Variants in GPR135 observed in about 807,000 individuals in gnomAD.
GPR135 encodes G-protein coupled receptor 135.
GPR135 carries 17 observed loss-of-function variants against 15.0 expected under a neutral mutation model. The ratio of observed to expected loss-of-function variants is 1.13; its 90% CI spans 0.78 to 1.70. The LOEUF (loss-of-function observed/expected upper bound fraction) is 1.70, where lower values mean the gene tolerates loss of function less well. GPR135 is among the 40% of genes most tolerant of loss of function. The probability of loss-of-function intolerance (pLI) is 0.00; values close to 1 mark genes in which losing one functional copy is unlikely to be tolerated. For synonymous variants in GPR135, 368 were observed against 349.4 expected (o/e 1.05, Z -0.59); for missense variants, 776 against 727.0 (o/e 1.07, Z -0.78).
chr14:59,465,083 C>A lies in GPR135; in HGVS notation c.144G>T (p.Ala48=). 1 of 1,376,472 alleles carries A rather than the reference C, an allele frequency of 7.3e-7. No homozygotes were observed. Among genetic ancestry groups the A allele is most frequent in the Non-Finnish European group, 9.4e-7 (1 of 1,066,574 alleles). The allele number at this position is 1,376,472 out of a possible 1,614,324, so 85.3% of individuals were successfully genotyped here. A position where few individuals can be genotyped will look rare whatever the true frequency, so the allele number is the denominator to read the frequency against. The change falls in exon 1 of 1, where the codon GCG becomes GCT. Residue 48 remains alanine (A), a synonymous_variant. Transcript: ENST00000395116. ...TAAVLSFSTV[A]TAALGNLSDA... ...CGCTCAGGTTCCCCAGCGCCGCGGT[C>A]GCCACGGTGCTGAAGGAGAGCACGG...
downstream of GPR135, among the ~76,000 whole-genome samples, chr14:59,459,339 G>T (rs1302613923): frequency 1.3e-5 from 2 of 152,202 alleles, no homozygotes; most frequent in Non-Finnish European, 2.9e-5. Context: ...CCTAATAGGT[G>T]TGGTCACAGC....
downstream of GPR135, chr14:59,458,761 C>T (rs191226237): frequency 9.2e-5 from 14 of 152,338 alleles, no homozygotes; most frequent in Middle Eastern, 6.8e-3. Flanking sequence ...ATCATGGCCC[C>T]AGTATTCCCA....
rs1889047383 is a variant in GPR135, at chr14:59,464,684, G to A, written c.543C>T (p.Arg181=). ...SAPAAAAGPW[R]GFCAASRFFS... ...AGAAGCGGCTGGCGGCGCAGAAGCC[G>A]CGCCAGGGCCCCGCGGCGGCGGCAG... is the stretch of plus-strand genomic sequence containing the variant. The change falls in exon 1 of 1, where the codon CGC becomes CGT. Residue 181 remains arginine (R), a synonymous_variant. Transcript: ENST00000395116. 6.3e-7 allele frequency: 1 copy of A among 1,581,492 alleles called. No homozygotes were observed. The highest frequency in any genetic ancestry group is 8.6e-7 in the Non-Finnish European group (1 of 1,169,132).
intron 6 of GPR135, among the ~76,000 whole-genome samples, chr14:59,453,922 C>T (rs1208974829): frequency 6.6e-6 from 1 of 152,142 alleles, no homozygotes; most frequent in African/African-American, 2.4e-5. Context: ...AAGGAATGAT[C>T]AGAGTGGTTA....
chr14:59,455,164 GT>G (rs1888612588), intron 6 of GPR135, among the ~76,000 whole-genome samples: 3 of 151,964 alleles, frequency 2.0e-5, no homozygotes, highest in Admixed American at 1.3e-4. Context: ...CTTGTATCCT[GT>G]GTATCCCTGC....
At position 59,463,852 on chromosome 14, in the gene GPR135, T is replaced by C. The variant is rs1481850890; in HGVS notation, c.1375A>G (p.Met459Val). The C allele has an allele frequency of 6.2e-7, 1 of 1,613,846 alleles. No homozygotes were observed. Among genetic ancestry groups the C allele is most frequent in the East Asian group, 2.2e-5 (1 of 44,874 alleles). ...PASGVAGDVA[M>V]WARKNPVVLF... ...ACAACTGGATTTTTGCGGGCCCACA[T>C]GGCCACGTCCCCTGCCACTCCGCTG... is the stretch of plus-strand genomic sequence containing the variant. The change falls in exon 1 of 1, where the codon ATG becomes GTG. Residue 459 changes from methionine (M) to valine (V), a missense_variant. Transcript: ENST00000395116.
chr14:59,464,531 G>T lies in GPR135; in HGVS notation c.696C>A (p.Gly232=). The change falls in exon 1 of 1, where the codon GGC becomes GGA. Residue 232 remains glycine, a synonymous_variant. Transcript: ENST00000395116. Reference sequence around the variant, plus strand: ...AGAAGCCCAGGGCCGTCAGCCAGGCGCCCGCCAGCAGCTGCAGCGCGCGGC... The same window carrying T: ...AGAAGCCCAGGGCCGTCAGCCAGGCTCCCGCCAGCAGCTGCAGCGCGCGGC... The part of the protein sequence containing the change: ...GRRRALQLLA[G]AWLTALGFSL... 1.3e-6 allele frequency: 2 copies of T among 1,543,172 alleles called. No homozygotes were observed. The highest frequency in any genetic ancestry group is 2.4e-5 in the East Asian group (1 of 41,122).
At position 59,464,893 on chromosome 14, in the gene GPR135, G is replaced by A. The variant is rs754078371; in HGVS notation, c.334C>T (p.Leu112Phe). 7 of 1,605,472 alleles carry A rather than the reference G, an allele frequency of 4.4e-6. No individual in the cohort carries two copies. Among genetic ancestry groups the A allele is most frequent in the Admixed American group, 1.7e-5 (1 of 59,308 alleles). ...CCAAGGCTAGACAGCAGGAAGATGAGCAGGAGGACGAGCGCCTGGGCCGCC... is the reference window on the plus strand; with the variant it reads ...CCAAGGCTAGACAGCAGGAAGATGAACAGGAGGACGAGCGCCTGGGCCGCC... ...AVAAQALVLL[L>F]IFLLSSLGNC... is the part of the protein sequence containing the mutation. The change falls in exon 1 of 1, where the codon CTC (leucine) becomes TTC (phenylalanine). Residue 112 changes from leucine to phenylalanine, a missense_variant. Physicochemically the swap from Leu to Phe is conservative, Grantham distance 22. Coordinates refer to ENST00000395116, the MANE Select transcript of GPR135 (RefSeq NM_022571.6).
Position 59,464,927 on chromosome 14 carries a change from T to C in GPR135, c.300A>G (p.Gly100=), listed in dbSNP as rs941524032. 4 of 1,585,106 alleles carry C rather than the reference T, an allele frequency of 2.5e-6. No homozygotes were observed. Among genetic ancestry groups the C allele is most frequent in the Non-Finnish European group, 3.4e-6 (4 of 1,168,664 alleles). ...CGAGCGCCTGGGCCGCCACTGCAGCTCCGTGCGACAGCAGCGGCGCCGCCT... is the reference window on the plus strand; with the variant it reads ...CGAGCGCCTGGGCCGCCACTGCAGCCCCGTGCGACAGCAGCGGCGCCGCCT... ...GPEAAPLLSH[G]AAVAAQALVL... is the part of the protein sequence containing the mutation. Residue 100 remains glycine (G), a synonymous_variant, in exon 1 of 1, where the codon GGA becomes GGG. Transcript: ENST00000395116.
chr14:59,455,041 G>A (rs911109839), intron 6 of GPR135, among the ~76,000 whole-genome samples: 106 of 151,946 alleles, frequency 7.0e-4, no homozygotes, highest in East Asian at 1.9e-4. Context: ...CGGAGATTGC[G>A]GTGAGCCAAG....
Position 59,464,140 on chromosome 14 carries a change from G to T in GPR135, c.1087C>A (p.Gln363Lys). 6.2e-7 allele frequency: 1 copy of T among 1,609,356 alleles called. No individual in the cohort carries two copies. The highest frequency in any genetic ancestry group is 8.5e-7 in the Non-Finnish European group (1 of 1,179,768). Residue 363 changes from glutamine to lysine, a missense_variant, in exon 1 of 1, where the codon CAG becomes AAG. Coordinates refer to ENST00000395116, the MANE Select transcript of GPR135 (RefSeq NM_022571.6). ...LAAARQAQTMQAPSLLSVVAV... is the reference protein window; with the variant it reads ...LAAARQAQTMKAPSLLSVVAV... ...ACCACGCTGAGGAGCGAGGGGGCCT[G>T]CATGGTCTGGGCCTGCCGGGCGGCG...
rs751982630 is a variant in GPR135, at chr14:59,463,929, C to T, written c.1298G>A (p.Arg433His). The T allele has an allele frequency of 4.3e-6, 7 of 1,613,966 alleles. No homozygotes were observed. In the South Asian group the frequency reaches 6.6e-5, roughly 15 times the overall value. ...GCAGGCCCCCAGCCGGTTGGCATAG[C>T]GGTTTCGAAGGCGACTGCGGCTTCT... is the stretch of plus-strand genomic sequence containing the variant. The part of the protein sequence containing the change: ...QARSRSRLRN[R>H]YANRLGACNR... The change falls in exon 1 of 1, where the codon CGC (arginine) becomes CAC (histidine). Residue 433 changes from arginine to histidine, a missense_variant. Arg to His is a conservative substitution (Grantham distance 29). Transcript: ENST00000395116.
intron 6 of GPR135, among the ~76,000 whole-genome samples, chr14:59,453,709 G>C (rs560754073): frequency 1.6e-4 from 24 of 152,328 alleles, no homozygotes; most frequent in African/African-American, 5.5e-4. Flanking sequence ...CTTTGGGGTT[G>C]AAAAGGAACA....
rs541184235 is a variant in GPR135, at chr14:59,462,874, A to G, written c.*868T>C. ...ATATCCAAAAATCAAATTTACCTCA[A>G]AAGACAAAAATTTTCTACAATGAAA... is the stretch of plus-strand genomic sequence containing the variant. On this transcript the variant is annotated 3_prime_UTR_variant, in exon 1 of 1. Coordinates refer to ENST00000395116, the MANE Select transcript of GPR135 (RefSeq NM_022571.6). 3 of 152,326 alleles carry G rather than the reference A, an allele frequency of 2.0e-5. No individual in the cohort carries two copies. Among genetic ancestry groups the G allele is most frequent in the African/African-American group, 7.2e-5 (3 of 41,578 alleles). The allele number at this position is 152,326 out of a possible 1,614,324, so 9.4% of individuals were successfully genotyped here.
rs1443299879 is a variant in GPR135, at chr14:59,465,146, G to A, written c.81C>T (p.Ala27=). The change falls in exon 1 of 1, where the codon GCC becomes GCT. Residue 27 remains alanine, a synonymous_variant. Coordinates refer to ENST00000395116, the MANE Select transcript of GPR135 (RefSeq NM_022571.6). ...CGGAGGAAGTCCCGCCAGGTGGGCC[G>A]GCCGCGGAGGGGGCGCCGGAGTGCT... ...GSQHSGAPSA[A]GPPGGTSSAA... is the part of the protein sequence containing the mutation. The A allele has an allele frequency of 1.5e-5, 20 of 1,349,268 alleles. No homozygotes were observed. Among genetic ancestry groups the A allele is most frequent in the Non-Finnish European group, 1.8e-5 (19 of 1,051,584 alleles). 83.6% of individuals were successfully genotyped at this position (1,349,268 alleles called of 1,614,324 possible).
Position 59,464,041 on chromosome 14 carries a change from T to C in GPR135, c.1186A>G (p.Met396Val), listed in dbSNP as rs768255812. The C allele has an allele frequency of 1.2e-6, 2 of 1,613,768 alleles. No individual in the cohort carries two copies. The highest frequency in any genetic ancestry group is 2.2e-5 in the East Asian group (1 of 44,876). The part of the protein sequence containing the change: ...IYAIRNPNIS[M>V]LLGRNREEGY... Reference sequence around the variant, plus strand: ...TCCTCGCGGTTGCGCCCTAGGAGCATCGAAATGTTGGGATTGCGGATGGCG... The same window carrying C: ...TCCTCGCGGTTGCGCCCTAGGAGCACCGAAATGTTGGGATTGCGGATGGCG... The change falls in exon 1 of 1, where the codon ATG becomes GTG. Residue 396 changes from methionine (M) to valine (V), a missense_variant. Transcript: ENST00000395116.
downstream of GPR135, among the ~76,000 whole-genome samples, chr14:59,460,146 G>A (rs1316300171): frequency 6.6e-6 from 1 of 152,190 alleles, no homozygotes; most frequent in African/African-American, 2.4e-5. Context: ...ATTGCCAGCA[G>A]GGTGGAAGGG....
In GPR135 at chr14:59,464,296, C is replaced by A. The variant is rs540383538; in HGVS notation, c.931G>T (p.Val311Leu). 23 of 1,611,772 alleles carry A rather than the reference C, an allele frequency of 1.4e-5. No homozygotes were observed. The African/African-American group carries it at 2.3e-4, about 16-fold the overall frequency. ...CKTVRLSDVR[V>L]RPVNTYARVL... ...CGCGCGTAGGTGTTCACCGGCCGCA[C>A]GCGCACGTCCGACAGGCGCACCGTC... Residue 311 changes from valine to leucine, a missense_variant, in exon 1 of 1, where the codon GTG becomes TTG. Physicochemically the swap from Val to Leu is conservative, Grantham distance 32 (BLOSUM62 1). Transcript: ENST00000395116.
Position 59,461,499 on chromosome 14 carries a change from C to T in GPR135, c.*2243G>A, listed in dbSNP as rs1052196078. The T allele has an allele frequency of 2.6e-5, 4 of 152,188 alleles. No individual in the cohort carries two copies. Among genetic ancestry groups the T allele is most frequent in the African/African-American group, 7.2e-5 (3 of 41,436 alleles). The allele number at this position is 152,188 out of a possible 1,614,324, so 9.4% of individuals were successfully genotyped here. A position where few individuals can be genotyped will look rare whatever the true frequency, so the allele number is the denominator to read the frequency against. Reference sequence around the variant, plus strand: ...TAACAGAATGGCCTCTTTCACAAGCCATGCCTTTCCTAAAACTTCCTGCCA... The same window carrying T: ...TAACAGAATGGCCTCTTTCACAAGCTATGCCTTTCCTAAAACTTCCTGCCA... On this transcript the variant is annotated 3_prime_UTR_variant, in exon 1 of 1. Transcript: ENST00000395116.
Sources: gnomAD v4.1 joint callset for allele counts (sites outside exome capture counted in the v4.1 genomes callset) on GRCh38, gnomAD v4.1.1 for gene constraint, MANE v1.5 for transcripts, NCBI Gene and HGNC (gene_info 2026-07-23, HGNC 2026-07-21) for gene names.